Variants in PRPH2 observed in about 807,000 individuals in gnomAD.
PRPH2 encodes peripherin-2.
PRPH2 carries 17 observed loss-of-function variants against 31.3 expected under a neutral mutation model. That is an observed-to-expected ratio of 0.54 (90% CI 0.37 to 0.81). The LOEUF is 0.81. PRPH2 is among the 40% of genes least tolerant of loss of function. The pLI, the probability that PRPH2 is intolerant of heterozygous loss-of-function variation, is 0.00. For synonymous variants in PRPH2, 165 were observed against 184.4 expected (o/e 0.89, Z 0.85); for missense variants, 430 against 439.7 (o/e 0.98, Z 0.20).
chr6:42,704,268 G>GGGCATATCCTCTTT (rs1482930955), intron 2 of PRPH2, 97 bp downstream of exon 2: 1 of 1,495,288 alleles, frequency 6.7e-7, no homozygotes, highest in Admixed American at 2.0e-5. Flanking sequence ...TTTCCAAAGA[G>GGGCATATCCTCTTT]GGAGGCATGC....
intron 1 of PRPH2, among the ~76,000 whole-genome samples, chr6:42,705,587 AAAAAAAAAAAAAATATATAT>A (rs1241458277): frequency 2.7e-3 from 19 of 6,924 alleles, no homozygotes; most frequent in African/African-American, 7.4e-3. Context: ...AAAAAAAAAA[AAAAAAAAAAAAAATATATAT>A]ATATATATAT....
intron 1 of PRPH2, among the ~76,000 whole-genome samples, chr6:42,708,264 C>T (rs557062064): frequency 9.2e-5 from 14 of 152,340 alleles, no homozygotes; most frequent in Admixed American, 6.5e-5. Context: ...CAGGATCGTG[C>T]GGGCCACCCT....
rs1023723247 is a variant in PRPH2 at position 42,697,055 on chromosome 6, G to A, written c.*1240C>T. On this transcript the variant is annotated 3_prime_UTR_variant, in exon 3 of 3. Coordinates refer to ENST00000230381, the MANE Select transcript of PRPH2 (RefSeq NM_000322.5). Reference sequence around the variant, plus strand: ...CCTTCTGGCCTCGGTCTCCAGCCAGGTAGGAACGAGCTCTCTTGAATGTTC... The same window carrying A: ...CCTTCTGGCCTCGGTCTCCAGCCAGATAGGAACGAGCTCTCTTGAATGTTC... 2.6e-5 allele frequency: 4 copies of A among 152,060 alleles called. No individual in the cohort carries two copies. Among genetic ancestry groups the A allele is most frequent in the Non-Finnish European group, 4.4e-5 (3 of 68,030 alleles). 9.4% of individuals were successfully genotyped at this position (152,060 alleles called of 1,614,324 possible).
intron 1 of PRPH2, among the ~76,000 whole-genome samples, chr6:42,710,826 G>A (rs1406579721): frequency 6.6e-6 from 1 of 152,232 alleles, no homozygotes; most frequent in East Asian, 1.9e-4. Flanking sequence ...AGGGCAATGA[G>A]CAGGGGTATA....
chr6:42,705,588 AAAAAAAAAAAAATATATATATATAT>A (rs1389337841), intron 1 of PRPH2, among the ~76,000 whole-genome samples: 2 of 11,558 alleles, frequency 1.7e-4, no homozygotes, highest in African/African-American at 6.3e-4. Flanking sequence ...AAAAAAAAAA[AAAAAAAAAAAAATATATATATATAT>A]ATATATATAT....
Position 42,721,999 on chromosome 6 carries a change from G to A in PRPH2, c.336C>T (p.Leu112=). Residue 112 remains leucine, a synonymous_variant, in exon 1 of 3, where the codon CTC becomes CTT. Coordinates refer to ENST00000230381, the MANE Select transcript of PRPH2 (RefSeq NM_000322.5). ...LAICVLFNII[L]FLVALCCFLL... Reference sequence around the variant, plus strand: ...GAAAGCAGCAGAGAGCCACAAGGAAGAGGATGATGTTGAAGAGAACACAGA... The same window carrying A: ...GAAAGCAGCAGAGAGCCACAAGGAAAAGGATGATGTTGAAGAGAACACAGA... 6.2e-7 allele frequency: 1 copy of A among 1,614,166 alleles called. No homozygotes were observed.
rs61755781 is a variant in PRPH2, at chr6:42,721,913, T to C, written c.422A>G (p.Tyr141Cys). ...CCTGCCAGGGGTGTCTGTGTCCCGG[T>C]AGTACTTCATGCCGTTCTTGAGCCC... is the stretch of plus-strand genomic sequence containing the variant. Reference protein sequence around the residue: ...GQGLKNGMKYYRDTDTPGRCF... With the variant: ...GQGLKNGMKYCRDTDTPGRCF... The change falls in exon 1 of 3, where the codon TAC (tyrosine) becomes TGC (cysteine). Residue 141 changes from tyrosine to cysteine, a missense_variant. Physicochemically the swap from Tyr to Cys is radical, Grantham distance 194. Transcript: ENST00000230381. 6.2e-7 allele frequency: 1 copy of C among 1,614,174 alleles called. No individual in the cohort carries two copies. The highest frequency in any genetic ancestry group is 8.5e-7 in the Non-Finnish European group (1 of 1,180,040).
At position 42,722,498 on chromosome 6, in the gene PRPH2, C is replaced by A; in HGVS notation, c.-164G>T. ...ATGTCGAGTCCCACTAGCCTGGGAT[C>A]CCCGTGAATGCAGTAGTGGTGGCAG... On this transcript the variant is annotated 5_prime_UTR_variant, in exon 1 of 3. Transcript: ENST00000230381. The surrounding 1 kb of genome is among the most constrained non-coding windows in gnomAD (Gnocchi z 4.4). 2 of 1,500,224 alleles carry A rather than the reference C, an allele frequency of 1.3e-6. No individual in the cohort carries two copies. Among genetic ancestry groups the A allele is most frequent in the East Asian group, 2.5e-5 (1 of 40,466 alleles). The allele number at this position is 1,500,224 out of a possible 1,614,324, so 92.9% of individuals were successfully genotyped here.
intron 2 of PRPH2, among the ~76,000 whole-genome samples, chr6:42,701,976 C>A (rs556979791): frequency 6.6e-6 from 1 of 152,096 alleles, no homozygotes; most frequent in South Asian, 2.1e-4. Context: ...CGCAGTGGCT[C>A]ACGCCTGTAA....
chr6:42,712,540 G>A (rs1432637920), intron 1 of PRPH2, among the ~76,000 whole-genome samples: 1 of 152,098 alleles, frequency 6.6e-6, no homozygotes, highest in Admixed American at 6.5e-5. Flanking sequence ...TTTGGGGGAG[G>A]GTAGTATAGA....
At chr6:42,701,344 A>G (rs1040326013) in intron 2 of PRPH2, among the ~76,000 whole-genome samples, 1 of 151,918 alleles carries the variant, frequency 6.6e-6, no homozygotes, top group African/African-American at 2.4e-5. Flanking sequence ...GGCTGGTTGC[A>G]AACTCCCAAC....
chr6:42,702,393 C>T (rs1345141926), intron 2 of PRPH2, among the ~76,000 whole-genome samples: 2 of 151,776 alleles, frequency 1.3e-5, no homozygotes, highest in Non-Finnish European at 2.9e-5. Flanking sequence ...GGAATCTCCT[C>T]AATGGAAAAA....
chr6:42,719,758 G>A (rs1477474528), intron 1 of PRPH2, among the ~76,000 whole-genome samples: 5 of 151,298 alleles, frequency 3.3e-5, no homozygotes, highest in African/African-American at 9.7e-5. Flanking sequence ...TAGTAGAGAC[G>A]GGGTTTCTCC....
chr6:42,708,754 C>A (rs1309841334), intron 1 of PRPH2, among the ~76,000 whole-genome samples: 2 of 152,206 alleles, frequency 1.3e-5, no homozygotes, highest in Non-Finnish European at 2.9e-5. Context: ...TGAAAGCACA[C>A]CACTGAGTCC....
intron 1 of PRPH2, among the ~76,000 whole-genome samples, chr6:42,708,831 G>C (rs1800220406): frequency 6.6e-6 from 1 of 152,240 alleles, no homozygotes; most frequent in Non-Finnish European, 1.5e-5. Flanking sequence ...AGTGATAGCA[G>C]CTGCCTCTCA....
chr6:42,713,022 C>T (rs1222081420), intron 1 of PRPH2, among the ~76,000 whole-genome samples: 3 of 151,410 alleles, frequency 2.0e-5, no homozygotes, highest in Non-Finnish European at 2.9e-5. Context: ...GTCAGGAGTT[C>T]GAGACCAGCC....
At chr6:42,711,158 G>A (rs1332639387) in intron 1 of PRPH2, among the ~76,000 whole-genome samples, 3 of 152,152 alleles carry the variant, frequency 2.0e-5, no homozygotes, top group Non-Finnish European at 4.4e-5. Context: ...GATTACAAGC[G>A]CTCTGCCCTC....
intron 2 of PRPH2, 138 bp from the exon 3 acceptor site, chr6:42,698,645 G>A: frequency 8.0e-7 from 1 of 1,249,124 alleles, no homozygotes; most frequent in Non-Finnish European, 1.1e-6. Flanking sequence ...GTTGGTGACA[G>A]CCTGCCCCAC....
intron 1 of PRPH2, among the ~76,000 whole-genome samples, chr6:42,713,800 A>G (rs917631318): frequency 2.0e-5 from 3 of 151,604 alleles, no homozygotes; most frequent in Admixed American, 6.6e-5. Context: ...GGTGTCTGTA[A>G]TCCCAGCTAC....
Sources: gnomAD v4.1 joint callset for allele counts (sites outside exome capture counted in the v4.1 genomes callset) on GRCh38, gnomAD v4.1.1 for gene constraint, Gnocchi (gnomAD v3.1) non-coding constraint, MANE v1.5 for transcripts, NCBI Gene and HGNC (gene_info 2026-07-23, HGNC 2026-07-21) for gene names.